The following ZNF670 variants were observed in gnomAD, a reference collection of about 807,000 sequenced individuals.
ZNF670 encodes zinc finger protein 670.
Under a neutral mutation model 10.9 loss-of-function variants are expected in ZNF670, and 7 were observed. The ratio of observed to expected loss-of-function variants is 0.64; its 90% CI spans 0.36 to 1.20. The LOEUF is 1.20. Among genes scored for constraint, ZNF670 ranks in the 50% most tolerant of loss-of-function variants. The probability of loss-of-function intolerance (pLI) is 0.02; values close to 1 mark genes in which losing one functional copy is unlikely to be tolerated. For missense variants in ZNF670, 446 were observed against 458.6 expected (o/e 0.97, Z 0.25); for synonymous variants, 136 against 152.7 (o/e 0.89, Z 0.81).
intron 1 of ZNF670, among the ~76,000 whole-genome samples, chr1:247,050,198 G>C (rs1047820009): frequency 1.3e-5 from 2 of 152,130 alleles, no homozygotes; most frequent in African/African-American, 4.8e-5. Flanking sequence ...AAATTTGGAA[G>C]CTCCAGTGTT....
Position 247,071,850 on chromosome 1 carries a change from ATTCT to A in ZNF670, c.3+6740_3+6743del, listed in dbSNP as rs759775271. ...TATTTGTATTTCCTTTCACAGTTTTATTCTTTCTTTCTTTTTTTTTTTTTTTAGA... is the reference window on the plus strand; with the variant it reads ...TATTTGTATTTCCTTTCACAGTTTTATTCTTTCTTTTTTTTTTTTTTTAGA... On this transcript the variant is annotated intron_variant, in intron 1 of 3. Transcript: ENST00000366503. Among the ~76,000 whole-genome samples, 193 of 150,718 alleles carry A rather than the reference ATTCT, an allele frequency of 1.3e-3. 1 individual carries two copies. Among genetic ancestry groups the A allele is most frequent in the Middle Eastern group, 3.4e-3 (1 of 294 alleles).
intron 1 of ZNF670, among the ~76,000 whole-genome samples, chr1:247,056,837 A>G (rs1670729831): frequency 1.3e-5 from 2 of 152,204 alleles, no homozygotes; most frequent in Non-Finnish European, 2.9e-5. Flanking sequence ...TCACCATATA[A>G]AAACAAAATC....
chr1:247,063,978 C>G (rs1458694646), intron 1 of ZNF670, among the ~76,000 whole-genome samples: 1 of 152,230 alleles, frequency 6.6e-6, no homozygotes, highest in Non-Finnish European at 1.5e-5. Context: ...AAGGTCTGAG[C>G]TGCACCACAG....
At chr1:247,062,528 AC>A (rs951783793) in intron 1 of ZNF670, among the ~76,000 whole-genome samples, 7 of 152,202 alleles carry the variant, frequency 4.6e-5, no homozygotes, top group African/African-American at 1.7e-4. Flanking sequence ...AGGTGACAAC[AC>A]AGGGAGGGGT....
At position 247,078,600 on chromosome 1, in the gene ZNF670, C is replaced by T. The variant is rs1671312338; in HGVS notation, c.-4G>A. The T allele has an allele frequency of 6.2e-7, 1 of 1,613,964 alleles. No homozygotes were observed. The highest frequency in any genetic ancestry group is 8.5e-7 in the Non-Finnish European group (1 of 1,179,914). ...ACCTGGCCGGCACACTCACCATTTCCCAGTCTCCGGTGTCTGGGGTCCTCC... is the reference window on the plus strand; with the variant it reads ...ACCTGGCCGGCACACTCACCATTTCTCAGTCTCCGGTGTCTGGGGTCCTCC... On this transcript the variant is annotated 5_prime_UTR_variant, in exon 1 of 4. Transcript: ENST00000366503.
intron 1 of ZNF670, chr1:247,043,691 T>C (rs1018663636): frequency 2.9e-5 from 14 of 481,742 alleles, no homozygotes; most frequent in Non-Finnish European, 5.2e-5. Flanking sequence ...CGATGGGGTA[T>C]CAATGTCAAC....
At chr1:247,039,064 T>C (rs74816852) in intron 2 of ZNF670, among the ~76,000 whole-genome samples, 194 bp from the exon 3 acceptor site, 1,529 of 148,142 alleles carry the variant, frequency 0.01, 27 homozygotes, top group African/African-American at 0.037. Context: ...TTCTTTCTTT[T>C]TTTTTTTTTT....
At chr1:247,044,942 C>T (rs1181344542) in intron 1 of ZNF670, among the ~76,000 whole-genome samples, 1 of 151,494 alleles carries the variant, frequency 6.6e-6, no homozygotes, top group Non-Finnish European at 1.5e-5. Context: ...CATATGTACC[C>T]CCCAGAACAC....
intron 1 of ZNF670, among the ~76,000 whole-genome samples, chr1:247,049,945 T>C (rs1670552571): frequency 6.6e-6 from 1 of 152,262 alleles, no homozygotes; most frequent in Non-Finnish European, 1.5e-5. Flanking sequence ...TGGCCTATCA[T>C]ATGGTGTATC....
At chr1:247,074,613 G>T (rs2103074430) in intron 1 of ZNF670, among the ~76,000 whole-genome samples, 1 of 152,206 alleles carries the variant, frequency 6.6e-6, no homozygotes, top group Non-Finnish European at 1.5e-5. Flanking sequence ...GATTTTCCAT[G>T]GATGGTGGGG....
At chr1:247,043,261 T>A (rs1287483085) in intron 1 of ZNF670, 1 of 664,324 alleles carries the variant, frequency 1.5e-6, no homozygotes, top group Non-Finnish European at 2.8e-6. Context: ...TGTCTCTGGG[T>A]ATATTCTGGA....
rs1354468387 is a variant in ZNF670 at position 247,065,739 on chromosome 1, A to G, written c.3+12855T>C. On this transcript the variant is annotated intron_variant, in intron 1 of 3. Coordinates refer to ENST00000366503, the MANE Select transcript of ZNF670 (RefSeq NM_033213.5). ...AGGAAAAATGCTCAAAACCAATGAT[A>G]ATCAGTAAAAAGTATATACAGTCAC... 3.9e-5 allele frequency among the ~76,000 whole-genome samples: 6 copies of G among 152,212 alleles called. No homozygotes were observed. In the East Asian group the frequency reaches 1.2e-3, roughly 29 times the overall value.
At chr1:247,047,637 A>G (rs55686616) in intron 1 of ZNF670, among the ~76,000 whole-genome samples, 4,199 of 152,290 alleles carry the variant, frequency 0.028, 190 homozygotes, top group African/African-American at 0.094. Flanking sequence ...GGGCTAGGCC[A>G]CTGCAGCAAA....
At chr1:247,067,780 T>C in intron 1 of ZNF670, among the ~76,000 whole-genome samples, 1 of 126,158 alleles carries the variant, frequency 7.9e-6, no homozygotes, top group Non-Finnish European at 1.6e-5. Flanking sequence ...AGGCGGAGCT[T>C]GCAGTGAGCC....
At chr1:247,063,365 A>G (rs1670904148) in intron 1 of ZNF670, among the ~76,000 whole-genome samples, 1 of 151,956 alleles carries the variant, frequency 6.6e-6, no homozygotes, top group Admixed American at 6.6e-5. Flanking sequence ...AGAGGTCAGG[A>G]GATCAAGACT....
intron 1 of ZNF670, among the ~76,000 whole-genome samples, chr1:247,076,599 A>T (rs1373073058): frequency 6.6e-6 from 1 of 151,174 alleles, no homozygotes; most frequent in Admixed American, 6.6e-5. Flanking sequence ...AAACTTTAAC[A>T]TGCTTGCAGC....
chr1:247,065,242 C>G (rs1408170802), intron 1 of ZNF670, among the ~76,000 whole-genome samples: 2 of 152,210 alleles, frequency 1.3e-5, no homozygotes, highest in Admixed American at 6.5e-5. Flanking sequence ...CAAACATTTG[C>G]TATAGCTCAG....
intron 1 of ZNF670, among the ~76,000 whole-genome samples, chr1:247,041,109 T>C (rs888321181): frequency 3.3e-5 from 5 of 152,240 alleles, no homozygotes; most frequent in East Asian, 1.9e-4. Context: ...AAAAAGTACA[T>C]TGCATTCCCC....
chr1:247,063,443 T>C (rs531092733), intron 1 of ZNF670, among the ~76,000 whole-genome samples: 29 of 151,144 alleles, frequency 1.9e-4, no homozygotes, highest in East Asian at 3.9e-4. Context: ...ATTAGCCAGG[T>C]GTGGTGGTGG....
Sources: allele counts gnomAD v4.1 joint callset (sites outside exome capture counted in the v4.1 genomes callset), GRCh38; gene constraint gnomAD v4.1.1; transcripts MANE v1.5; gene names NCBI Gene and HGNC (gene_info 2026-07-23, HGNC 2026-07-21).